MTBP: variants seen among roughly 807,000 people sequenced by gnomAD.
MTBP encodes MDM2 binding protein.
MTBP carries 101 observed loss-of-function variants against 117.0 expected under a neutral mutation model. The observed-to-expected ratio is 0.86, with a 90% confidence interval of 0.73 to 1.02. The LOEUF (loss-of-function observed/expected upper bound fraction) is 1.02. Ranked by LOEUF, MTBP falls within the 50% of genes least tolerant of loss-of-function variation. The pLI, the probability that MTBP is intolerant of heterozygous loss-of-function variation, is 0.00. For missense variants in MTBP, 970 were observed against 1,030.9 expected (o/e 0.94, Z 0.81); for synonymous variants, 350 against 351.5 (o/e 1.00, Z 0.05).
rs770861197 is a variant in MTBP at position 120,517,967 on chromosome 8, C to T, written c.2363C>T (p.Thr788Ile). The change falls in exon 19 of 22, where the codon ACT becomes ATT. Residue 788 changes from threonine (T) to isoleucine (I), a missense_variant. Thr to Ile is a moderately conservative substitution (Grantham distance 89, BLOSUM62 -1). Transcript: ENST00000305949. ...CAAACAGAACGGTCCTTACCAGTGA[C>T]TTGTCCATTGGTTCCAATTCCTAGC... is the stretch of plus-strand genomic sequence containing the variant. ...KPQTERSLPVTCPLVPIPSCE... is the reference protein window; with the variant it reads ...KPQTERSLPVICPLVPIPSCE... 2.5e-6 allele frequency: 4 copies of T among 1,612,790 alleles called. No homozygotes were observed. Among genetic ancestry groups the T allele is most frequent in the Admixed American group, 1.7e-5 (1 of 59,898 alleles).
At chr8:120,461,443 T>C (rs1813581801) in intron 9 of MTBP, among the ~76,000 whole-genome samples, 188 bp downstream of exon 9, 1 of 152,168 alleles carries the variant, frequency 6.6e-6, no homozygotes, top group Non-Finnish European at 1.5e-5. Context: ...GTTCTTGCTT[T>C]TCCCACCACC....
intron 14 of MTBP, among the ~76,000 whole-genome samples, chr8:120,499,681 T>C (rs1471840652): frequency 1.8e-4 from 28 of 152,198 alleles, no homozygotes; most frequent in Admixed American, 1.8e-3. Context: ...AATAAAGTTA[T>C]TTAATCTGCT....
At chr8:120,449,193 A>C (rs905498394) in intron 2 of MTBP, among the ~76,000 whole-genome samples, 1 of 152,096 alleles carries the variant, frequency 6.6e-6, no homozygotes, top group Non-Finnish European at 1.5e-5. Context: ...GAATTCACCT[A>C]CCTTAGCGTT....
Position 120,516,016 on chromosome 8 carries a change from T to G in MTBP, c.2071T>G (p.Cys691Gly). Reference protein sequence around the residue: ...RLIRYETQTTCTRESFPVPTV... With the variant: ...RLIRYETQTTGTRESFPVPTV... ...TATTCGTTATGAAACTCAAACTACC[T>G]GCACCAGAGAAAGTTTTCCAGTACC... Residue 691 changes from cysteine (C) to glycine (G), a missense_variant, in exon 18 of 22, where the codon TGC (cysteine) becomes GGC (glycine). Cys to Gly is a radical substitution (Grantham distance 159, BLOSUM62 -3). Coordinates refer to ENST00000305949, the MANE Select transcript of MTBP (RefSeq NM_022045.5). The G allele has an allele frequency of 6.2e-7, 1 of 1,613,092 alleles. No homozygotes were observed. Among genetic ancestry groups the G allele is most frequent in the Non-Finnish European group, 8.5e-7 (1 of 1,179,264 alleles).
intron 16 of MTBP, 52 bp from the exon 17 acceptor site, chr8:120,509,882 C>A (rs1814764565): frequency 2.3e-6 from 3 of 1,280,126 alleles, no homozygotes; most frequent in African/African-American, 3.0e-5. Context: ...CTTTAACTTT[C>A]TTTTTGTCAG....
intron 12 of MTBP, among the ~76,000 whole-genome samples, chr8:120,490,234 A>T (rs1814315321): frequency 6.6e-6 from 1 of 152,236 alleles, no homozygotes. Flanking sequence ...AAATTCCCTC[A>T]ATTTAAAAAT....
chr8:120,512,374 T>C (rs1288621082), intron 17 of MTBP, among the ~76,000 whole-genome samples: 1 of 152,126 alleles, frequency 6.6e-6, no homozygotes, highest in Non-Finnish European at 1.5e-5. Flanking sequence ...TATAATCTTA[T>C]TTAGATTATT....
chr8:120,482,794 G>T (rs1190921309), intron 11 of MTBP, among the ~76,000 whole-genome samples: 1 of 151,734 alleles, frequency 6.6e-6, no homozygotes, highest in Non-Finnish European at 1.5e-5. Context: ...CCACCTCCTG[G>T]GTTCAAGCGA....
In MTBP at chr8:120,459,355, C is replaced by T. The variant is rs778488337; in HGVS notation, c.882+6C>T. Reference sequence around the variant, plus strand: ...ATAAGAATATTTTGCCAAAGGTAATCGTGTTTAATTTTTTTGTGTGATCAT... The same window carrying T: ...ATAAGAATATTTTGCCAAAGGTAATTGTGTTTAATTTTTTTGTGTGATCAT... On this transcript the variant is annotated splice_donor_region_variant and intron_variant, in intron 8 of 21. Coordinates refer to ENST00000305949, the MANE Select transcript of MTBP (RefSeq NM_022045.5). The T allele has an allele frequency of 5.7e-6, 9 of 1,589,380 alleles. No homozygotes were observed. Among genetic ancestry groups the T allele is most frequent in the South Asian group, 2.3e-5 (2 of 85,864 alleles).
intron 11 of MTBP, among the ~76,000 whole-genome samples, chr8:120,480,972 T>C (rs1814071079): frequency 6.6e-6 from 1 of 152,112 alleles, no homozygotes; most frequent in South Asian, 2.1e-4. Context: ...TTTGAAAAAT[T>C]CTCCCAATTT....
At chr8:120,464,537 A>G (rs1813646914) in intron 10 of MTBP, among the ~76,000 whole-genome samples, 1 of 152,062 alleles carries the variant, frequency 6.6e-6, no homozygotes, top group Non-Finnish European at 1.5e-5. Flanking sequence ...TATTATAATT[A>G]TAACAGTTTC....
At chr8:120,456,280 T>A (rs1430314041) in intron 6 of MTBP, among the ~76,000 whole-genome samples, 1 of 152,144 alleles carries the variant, frequency 6.6e-6, no homozygotes, top group Non-Finnish European at 1.5e-5. Flanking sequence ...TTTATGTACA[T>A]CTGACACCTT....
At chr8:120,503,995 G>T (rs1257392847) in intron 15 of MTBP, among the ~76,000 whole-genome samples, 1 of 152,110 alleles carries the variant, frequency 6.6e-6, no homozygotes, top group Non-Finnish European at 1.5e-5. Context: ...CTTTAGGGAT[G>T]ATACGTTTGA....
At chr8:120,461,850 A>C (rs1226477053) in intron 9 of MTBP, among the ~76,000 whole-genome samples, 2 of 152,204 alleles carry the variant, frequency 1.3e-5, no homozygotes, top group African/African-American at 4.8e-5. Flanking sequence ...CTGTAACTGC[A>C]ATATATCATA....
intron 11 of MTBP, among the ~76,000 whole-genome samples, chr8:120,487,317 G>A (rs1301652489): frequency 6.6e-6 from 1 of 152,110 alleles, no homozygotes; most frequent in African/African-American, 2.4e-5. Context: ...GTGTTGCTTT[G>A]GGGCTTTCTC....
At chr8:120,448,604 G>C (rs1813274791) in intron 2 of MTBP, among the ~76,000 whole-genome samples, 1 of 152,170 alleles carries the variant, frequency 6.6e-6, no homozygotes, top group Non-Finnish European at 1.5e-5. Flanking sequence ...TAACATGATT[G>C]GTTACTGATC....
chr8:120,470,646 G>A (rs1327053084), intron 10 of MTBP, among the ~76,000 whole-genome samples, 174 bp from the exon 11 acceptor site: 1 of 152,074 alleles, frequency 6.6e-6, no homozygotes, highest in Non-Finnish European at 1.5e-5. Context: ...GTTTTGTTTT[G>A]ACAGAGGGTG....
chr8:120,477,509 A>G (rs1225064539), intron 11 of MTBP, among the ~76,000 whole-genome samples: 3 of 152,234 alleles, frequency 2.0e-5, no homozygotes, highest in Non-Finnish European at 2.9e-5. Flanking sequence ...TCCATCTGAC[A>G]AAGGGCTAAT....
chr8:120,452,809 G>A (rs1369069649), intron 4 of MTBP: 1 of 134,842 alleles, frequency 7.4e-6, no homozygotes, highest in Non-Finnish European at 1.5e-5. Context: ...CAGCCTGAGC[G>A]ACAGAGCAAC....
Sources: allele counts gnomAD v4.1 joint callset (sites outside exome capture counted in the v4.1 genomes callset), GRCh38; gene constraint gnomAD v4.1.1; transcripts MANE v1.5; gene names NCBI Gene and HGNC (gene_info 2026-07-23, HGNC 2026-07-21).